USP40: variants seen among roughly 807,000 people sequenced by gnomAD.
USP40 encodes ubiquitin carboxyl-terminal hydrolase 40.
USP40 carries 143 observed loss-of-function variants against 166.2 expected under a neutral mutation model. The ratio of observed to expected loss-of-function variants is 0.86; its 90% CI spans 0.75 to 0.99. The LOEUF is 0.99. USP40 is among the 50% of genes least tolerant of loss of function. The pLI is 0.00. For synonymous variants in USP40, 498 were observed against 524.0 expected (o/e 0.95, Z 0.68); for missense variants, 1,444 against 1,479.7 (o/e 0.98, Z 0.40).
intron 18 of USP40, chr2:233,519,411 G>A (rs112620958): frequency 2.1e-6 from 1 of 472,906 alleles, no homozygotes; most frequent in Admixed American, 3.8e-5. Flanking sequence ...ATAGGTCTGA[G>A]GAGGAGAACA....
chr2:233,479,336 G>A (rs929519879), intron 31 of USP40, among the ~76,000 whole-genome samples: 2 of 152,120 alleles, frequency 1.3e-5, no homozygotes, highest in East Asian at 1.9e-4. Context: ...AGGCCAAGGC[G>A]GGCTGATCAC....
intron 9 of USP40, among the ~76,000 whole-genome samples, chr2:233,541,821 A>T (rs1270546926): frequency 6.6e-6 from 1 of 152,242 alleles, no homozygotes; most frequent in Non-Finnish European, 1.5e-5. Context: ...CATAGACATT[A>T]AAAGGATAAT....
In USP40 at chr2:233,484,222, A is replaced by C. The variant is rs151209527; in HGVS notation, c.3504+1309T>G. 6.6e-5 allele frequency among the ~76,000 whole-genome samples: 10 copies of C among 152,326 alleles called. No individual in the cohort carries two copies. In the East Asian group the frequency reaches 1.9e-3, roughly 29 times the overall value. On this transcript the variant is annotated intron_variant, in intron 30 of 31. Coordinates refer to ENST00000678225, the MANE Select transcript of USP40 (RefSeq NM_001365479.2). ...TTGCTCTAGTGTACGAATTTATGCT[A>C]TTAATTTTATTTAATCTAATCTATA...
In USP40 at chr2:233,562,791, GA is replaced by G; in HGVS notation, c.211del (p.Ser71LeufsTer37). On this transcript the variant is annotated frameshift_variant, in exon 3 of 32. Transcript: ENST00000678225. LOFTEE classifies it high-confidence loss of function. The stretch of plus-strand genomic sequence containing the variant: ...CAAACCAAGCTCTTCTGGGCCAAGA[GA>G]AAATAGAGCTTCTAAAGAAAAAGGT... Reference protein sequence around the residue: ...FTPEFREALFSLGPEELGLFE... With the variant: ...FTPEFREALFXLGPEELGLFE... 6.5e-7 allele frequency: 1 copy of G among 1,533,692 alleles called. No homozygotes were observed. The highest frequency in any genetic ancestry group is 8.8e-7 in the Non-Finnish European group (1 of 1,138,320).
intron 15 of USP40, among the ~76,000 whole-genome samples, chr2:233,524,062 C>T (rs2067846809): frequency 6.6e-6 from 1 of 152,176 alleles, no homozygotes; most frequent in Non-Finnish European, 1.5e-5. Context: ...TTGTCCCTAA[C>T]ATTTATCAAG....
At chr2:233,523,676 A>G (rs1312652225) in intron 15 of USP40, among the ~76,000 whole-genome samples, 187 bp from the exon 16 acceptor site, 2 of 152,106 alleles carry the variant, frequency 1.3e-5, no homozygotes, top group African/African-American at 4.8e-5. Context: ...CTTATCTTTT[A>G]TTTTTTTAGG....
intron 11 of USP40, among the ~76,000 whole-genome samples, chr2:233,529,796 T>TTTTTTCTTTTTC (rs919478177): frequency 4.5e-5 from 6 of 132,242 alleles, no homozygotes; most frequent in African/African-American, 1.7e-4. Flanking sequence ...TTCATCTTTT[T>TTTTTTCTTTTTC]TTTTTCTTTT....
At chr2:233,499,798 C>A (rs1015572760) in intron 22 of USP40, 81 bp downstream of exon 22, 2 of 1,275,828 alleles carry the variant, frequency 1.6e-6, no homozygotes, top group African/African-American at 1.5e-5. Flanking sequence ...ATTTTTTTTT[C>A]CTACAACCCT....
chr2:233,524,382 G>A (rs374546325), intron 15 of USP40, 110 bp downstream of exon 15: 42 of 816,144 alleles, frequency 5.1e-5, no homozygotes, highest in East Asian at 2.4e-4. Context: ...TGCCTGCCTC[G>A]CCCTCCCAAA....
chr2:233,527,909 G>A, intron 12 of USP40, among the ~76,000 whole-genome samples: 1 of 150,702 alleles, frequency 6.6e-6, no homozygotes, highest in East Asian at 1.9e-4. Context: ...ACATCATTAT[G>A]TTAAGTAGCA....
rs569246775 is a variant in USP40, at chr2:233,493,204, C to A, written c.2917+221G>T. 3.4e-6 allele frequency: 2 copies of A among 591,338 alleles called. No individual in the cohort carries two copies. Among genetic ancestry groups the A allele is most frequent in the South Asian group, 5.3e-5 (2 of 37,674 alleles). 36.6% of individuals were successfully genotyped at this position (591,338 alleles called of 1,614,324 possible). On this transcript the variant is annotated intron_variant, in intron 25 of 31. Coordinates refer to ENST00000678225, the MANE Select transcript of USP40 (RefSeq NM_001365479.2). This position sits in a 1 kb window ranked among gnomAD's most constrained non-coding sequence, Gnocchi z 4.7. ...TGTAATATATTGATATAATAATAAA[C>A]AACAAGATATATAGTGCTTTACAGA... is the stretch of plus-strand genomic sequence containing the variant.
intron 29 of USP40, 41 bp from the exon 30 acceptor site, chr2:233,485,667 C>T: frequency 1.2e-6 from 2 of 1,604,344 alleles, no homozygotes; most frequent in Non-Finnish European, 1.7e-6. Flanking sequence ...AAAACTCAAC[C>T]TCAAGTTCTC....
chr2:233,478,189 G>A (rs1458950613), intron 31 of USP40, among the ~76,000 whole-genome samples: 8 of 152,348 alleles, frequency 5.3e-5, no homozygotes, highest in South Asian at 2.1e-4. Flanking sequence ...GTAGGCACGC[G>A]TCCATGTTTT....
chr2:233,478,156 C>T (rs1451206304), intron 31 of USP40, among the ~76,000 whole-genome samples: 2 of 152,212 alleles, frequency 1.3e-5, no homozygotes, highest in African/African-American at 4.8e-5. Flanking sequence ...ATGAAGCTGC[C>T]TTGTAATTTT....
intron 2 of USP40, 106 bp from the exon 3 acceptor site, chr2:233,562,909 A>G (rs1027670482): frequency 4.1e-5 from 32 of 782,088 alleles, no homozygotes; most frequent in Non-Finnish European, 5.0e-5. Flanking sequence ...AGATTCAGAA[A>G]TATGATTGTG....
chr2:233,554,584 A>T, intron 5 of USP40, 58 bp from the exon 6 acceptor site: 1 of 1,357,626 alleles, frequency 7.4e-7, no homozygotes, highest in Admixed American at 2.2e-5. Context: ...CAAACACATC[A>T]TCAACTCACA....
At chr2:233,523,001 T>C (rs1000672162) in intron 16 of USP40, among the ~76,000 whole-genome samples, 169 bp downstream of exon 16, 1 of 152,250 alleles carries the variant, frequency 6.6e-6, no homozygotes, top group Non-Finnish European at 1.5e-5. Context: ...CATGTTTTTC[T>C]CTAAGTTACA....
Position 233,489,425 on chromosome 2 carries a change from G to A in USP40, c.3071C>T (p.Ala1024Val). 1 of 1,607,278 alleles carries A rather than the reference G, an allele frequency of 6.2e-7. No individual in the cohort carries two copies. Among genetic ancestry groups the A allele is most frequent in the Non-Finnish European group, 8.5e-7 (1 of 1,177,052 alleles). ...FGVPSPAHLR[A>V]WTVERKRPGR... is the part of the protein sequence containing the mutation. Reference sequence around the variant, plus strand: ...TGGGCGCTTCCTCTCCACCGTCCAGGCTCTGAGGTGGGCTGGGGACGGGAC... The same window carrying A: ...TGGGCGCTTCCTCTCCACCGTCCAGACTCTGAGGTGGGCTGGGGACGGGAC... The change falls in exon 27 of 32, where the codon GCC becomes GTC. Residue 1024 changes from alanine to valine, a missense_variant. Coordinates refer to ENST00000678225, the MANE Select transcript of USP40 (RefSeq NM_001365479.2).
chr2:233,527,378 T>C (rs1042458252), intron 13 of USP40, 29 bp downstream of exon 13: 2 of 1,605,084 alleles, frequency 1.2e-6, no homozygotes, highest in African/African-American at 1.3e-5. Flanking sequence ...GCTCGATGTC[T>C]GAATTAAGAG....
Sources: allele counts gnomAD v4.1 joint callset (sites outside exome capture counted in the v4.1 genomes callset), GRCh38; gene constraint gnomAD v4.1.1; non-coding constraint Gnocchi (gnomAD v3.1); transcripts MANE v1.5; gene names NCBI Gene and HGNC (gene_info 2026-07-23, HGNC 2026-07-21).